The following PDPN variants were observed in gnomAD, a reference collection of about 807,000 sequenced individuals.
PDPN encodes the protein podoplanin, also known as PA2.26 antigen.
A neutral mutation model predicts 23.2 loss-of-function variants in PDPN; 12 were observed. The observed-to-expected ratio is 0.52, with a 90% CI of 0.33 to 0.84. PDPN has a LOEUF of 0.84. Among genes scored for constraint, PDPN ranks in the 40% least tolerant of loss-of-function variants. The probability of loss-of-function intolerance (pLI) is 0.02; values close to 1 mark genes in which losing one functional copy is unlikely to be tolerated. For synonymous variants in PDPN, 77 were observed against 76.7 expected (o/e 1.00, Z -0.02); for missense variants, 199 against 212.2 (o/e 0.94, Z 0.39).
At chr1:13,593,569 G>T (rs1185577795) in intron 1 of PDPN, among the ~76,000 whole-genome samples, 2 of 152,152 alleles carry the variant, frequency 1.3e-5, no homozygotes, top group Non-Finnish European at 2.9e-5. Flanking sequence ...TAGTGGAAAC[G>T]GCCACATTCT....
chr1:13,584,180 GT>G, intron 1 of PDPN, 80 bp downstream of exon 1: 8 of 1,553,818 alleles, frequency 5.1e-6, no homozygotes, highest in Non-Finnish European at 7.0e-6. Flanking sequence ...CCCGGGCCTG[GT>G]ATTCGAGGTT....
At chr1:13,612,822 A>G (rs1427200356) in intron 3 of PDPN, among the ~76,000 whole-genome samples, 1 of 152,038 alleles carries the variant, frequency 6.6e-6, no homozygotes, top group East Asian at 1.9e-4. Flanking sequence ...AAGCTACTGG[A>G]TATCTGGGGT....
intron 3 of PDPN, among the ~76,000 whole-genome samples, chr1:13,613,010 G>T (rs1259725273): frequency 6.6e-6 from 1 of 151,944 alleles, no homozygotes; most frequent in South Asian, 2.1e-4. Flanking sequence ...TTTTAAATAG[G>T]TTATTGCATA....
At chr1:13,601,090 G>A (rs577937651) in intron 1 of PDPN, among the ~76,000 whole-genome samples, 5 of 152,320 alleles carry the variant, frequency 3.3e-5, no homozygotes, top group Admixed American at 6.5e-5. Context: ...GATCTTGAAC[G>A]ACCCCAAATG....
chr1:13,585,950 C>G lies in PDPN; in HGVS notation c.67+1850C>G, dbSNP rs1047937846. On this transcript the variant is annotated intron_variant, in intron 1 of 5. Coordinates refer to ENST00000621990, the MANE Select transcript of PDPN (RefSeq NM_006474.5). ...TCCTACGCCCTACTGGGTTTCCCTC[C>G]TCCAGGGTTATAATCTGGTTCAGTT... Among the ~76,000 whole-genome samples, 8 of 152,242 alleles carry G rather than the reference C, an allele frequency of 5.3e-5. No individual in the cohort carries two copies. The South Asian group carries it at 1.2e-3, about 24-fold the overall frequency.
rs190537919 is a variant in PDPN at position 13,614,191 on chromosome 1, A to G, written c.371-109A>G. ...GCTCCATGCTCAAACAACATAGAGC[A>G]ATATTTGCTATGTGCAGTAGGGCAG... On this transcript the variant is annotated intron_variant, in intron 4 of 5. Transcript: ENST00000621990. The G allele has an allele frequency of 5.4e-5, 35 of 643,006 alleles. No individual in the cohort carries two copies. The East Asian group carries it at 6.3e-4, about 12-fold the overall frequency. The allele number at this position is 643,006 out of a possible 1,614,324, so 39.8% of individuals were successfully genotyped here.
In PDPN at chr1:13,611,765, GT is replaced by G. The variant is rs376139297; in HGVS notation, c.331+1250del. 1.2e-3 allele frequency among the ~76,000 whole-genome samples: 179 copies of G among 152,262 alleles called. 2 individuals carry two copies. Among genetic ancestry groups the G allele is most frequent in the African/African-American group, 4.1e-3 (171 of 41,544 alleles). Reference sequence around the variant, plus strand: ...TGTTTTACCACAGTGTTGGCGGGGAGTGGGGGGAACCTTATAAAGGGCTTTG... The same window carrying G: ...TGTTTTACCACAGTGTTGGCGGGGAGGGGGGGAACCTTATAAAGGGCTTTG... On this transcript the variant is annotated intron_variant, in intron 3 of 5. Coordinates refer to ENST00000621990, the MANE Select transcript of PDPN (RefSeq NM_006474.5).
intron 1 of PDPN, among the ~76,000 whole-genome samples, chr1:13,599,567 G>A (rs373713765): frequency 2.2e-4 from 34 of 151,810 alleles, no homozygotes; most frequent in African/African-American, 7.5e-4. Flanking sequence ...TGTATTTTTA[G>A]TAGAGACGGT....
intron 1 of PDPN, chr1:13,585,763 C>T (rs2100586414): frequency 1.6e-6 from 1 of 618,364 alleles, no homozygotes; most frequent in African/African-American, 1.9e-5. Flanking sequence ...GCCTGGCTGC[C>T]AGAGGAGCAG....
intron 2 of PDPN, among the ~76,000 whole-genome samples, chr1:13,608,052 C>T (rs1321692260): frequency 6.6e-6 from 1 of 152,104 alleles, no homozygotes; most frequent in Non-Finnish European, 1.5e-5. Flanking sequence ...TTGCAGTGAG[C>T]CGAGATCGCA....
chr1:13,595,757 C>T (rs1640478638), intron 1 of PDPN: 8 of 690,908 alleles, frequency 1.2e-5, no homozygotes, highest in Middle Eastern at 3.9e-4. Context: ...CGAAATTGAA[C>T]GGCAGGGCAG....
intron 4 of PDPN, 145 bp downstream of exon 4, chr1:13,613,870 C>CT (rs34784418): frequency 0.052 from 11,330 of 217,766 alleles, 325 homozygotes; most frequent in African/African-American, 0.059. Flanking sequence ...AGATTTCAAG[C>CT]TTTTTTTTTT....
At chr1:13,605,842 C>T (rs1195992176) in intron 1 of PDPN, among the ~76,000 whole-genome samples, 1 of 152,068 alleles carries the variant, frequency 6.6e-6, no homozygotes, top group Admixed American at 6.6e-5. Context: ...AGGATGGTCT[C>T]GATCTCTTGA....
intron 1 of PDPN, among the ~76,000 whole-genome samples, chr1:13,594,875 G>T (rs1640449786): frequency 6.6e-6 from 1 of 151,416 alleles, no homozygotes. Flanking sequence ...GGCACCTGTA[G>T]TCCCAGCTAC....
At position 13,607,181 on chromosome 1, in the gene PDPN, G is replaced by T; in HGVS notation, c.76G>T (p.Gly26Cys). 1 of 1,613,974 alleles carries T rather than the reference G, an allele frequency of 6.2e-7. No homozygotes were observed. Residue 26 changes from glycine to cysteine, a missense_variant, in exon 2 of 6, where the codon GGC becomes TGC. By Grantham distance (159) the Gly-to-Cys change is radical. Transcript: ENST00000621990. ...LWVLAEGAST[G>C]QPEDDTETTG... ...CAATCTTTCTTCTTCAGCCAGCACA[G>T]GCCAGCCAGAAGATGACACTGAGAC...
chr1:13,611,200 G>A (rs1412608662), intron 3 of PDPN, among the ~76,000 whole-genome samples: 1 of 149,946 alleles, frequency 6.7e-6, no homozygotes, highest in East Asian at 1.9e-4. Flanking sequence ...CAACCTGGGC[G>A]ACAGTGCGAG....
chr1:13,603,735 C>G (rs573752446), intron 1 of PDPN, among the ~76,000 whole-genome samples: 126 of 152,004 alleles, frequency 8.3e-4, no homozygotes, highest in African/African-American at 2.8e-3. Flanking sequence ...GTTACAGGCA[C>G]CTGCCACTGT....
intron 1 of PDPN, among the ~76,000 whole-genome samples, chr1:13,587,872 G>A (rs918071231): frequency 1.3e-5 from 2 of 152,106 alleles, no homozygotes; most frequent in African/African-American, 4.8e-5. Context: ...CCTGTCCACC[G>A]GCCTGTTGGC....
intron 1 of PDPN, chr1:13,585,652 G>T: frequency 7.4e-7 from 1 of 1,351,700 alleles, no homozygotes; most frequent in East Asian, 4.5e-5. Flanking sequence ...ACTCCTAAAA[G>T]ATGGCGTTAA....
Sources: allele counts gnomAD v4.1 joint callset (sites outside exome capture counted in the v4.1 genomes callset), GRCh38; gene constraint gnomAD v4.1.1; transcripts MANE v1.5; gene names NCBI Gene and HGNC (gene_info 2026-07-23, HGNC 2026-07-21).